PARD3: variants seen among roughly 807,000 people sequenced by gnomAD.
PARD3 encodes the protein partitioning defective 3 homolog.
In PARD3, 75 loss-of-function variants were observed where a neutral mutation model predicts 155.4. The ratio of observed to expected loss-of-function variants is 0.48; its 90% CI spans 0.40 to 0.58. PARD3 has a LOEUF of 0.58. PARD3 is among the 20% of genes least tolerant of loss of function. PARD3 has a pLI of 0.00. For missense variants in PARD3, 1,642 were observed against 1,721.7 expected (o/e 0.95, Z 0.82); for synonymous variants, 576 against 610.5 (o/e 0.94, Z 0.83).
rs185576411 is a variant in PARD3, at chr10:34,634,421, G to A, written c.222+61897C>T. 2.6e-5 allele frequency among the ~76,000 whole-genome samples: 4 copies of A among 152,254 alleles called. No individual in the cohort carries two copies. The East Asian group carries it at 7.7e-4, about 29-fold the overall frequency. On this transcript the variant is annotated intron_variant, in intron 2 of 24. Transcript: ENST00000374788. Reference sequence around the variant, plus strand: ...AAAAAAGATAATGTTTTCCCTCCAGGGGAGGGAAGGAATGTGGTATTCAGG... The same window carrying A: ...AAAAAAGATAATGTTTTCCCTCCAGAGGAGGGAAGGAATGTGGTATTCAGG...
At chr10:34,808,812 T>C (rs1843718506) in intron 1 of PARD3, among the ~76,000 whole-genome samples, 1 of 152,202 alleles carries the variant, frequency 6.6e-6, no homozygotes, top group South Asian at 2.1e-4. Context: ...TATCCATGTC[T>C]ACCACAAGCC....
chr10:34,416,927 C>A (rs1432152048), intron 5 of PARD3, among the ~76,000 whole-genome samples: 2 of 152,198 alleles, frequency 1.3e-5, no homozygotes, highest in Non-Finnish European at 2.9e-5. Context: ...TCATTCCTGG[C>A]CATAGGCCAA....
chr10:34,132,443 TCTGGCTCCCAGTCCAACC>T (rs1474903850), intron 22 of PARD3, among the ~76,000 whole-genome samples: 1 of 152,140 alleles, frequency 6.6e-6, no homozygotes, highest in Non-Finnish European at 1.5e-5. Flanking sequence ...ATCCAGATTT[TCTGGCTCCCAGTCCAACC>T]CTCATTTCAC....
chr10:34,239,802 CAAA>C (rs200115114), intron 22 of PARD3, among the ~76,000 whole-genome samples: 4 of 120,352 alleles, frequency 3.3e-5, no homozygotes, highest in Admixed American at 8.4e-5. Context: ...CACTCCATCT[CAAA>C]AAAAAAAAAA....
chr10:34,653,512 G>A (rs549545812), intron 2 of PARD3, among the ~76,000 whole-genome samples: 1 of 152,176 alleles, frequency 6.6e-6, no homozygotes, highest in African/African-American at 2.4e-5. Flanking sequence ...CTCCCACAAG[G>A]AACACAAAAC....
rs1375564553 is a variant in PARD3 at position 34,791,416 on chromosome 10, C to T, written c.120+23460G>A. On this transcript the variant is annotated intron_variant, in intron 1 of 24. Transcript: ENST00000374788. Reference sequence around the variant, plus strand: ...GTCATCACCAAGCCCGGGACCAGGCCGGGGCCTCCTCCCCAGGAAGCCGGC... The same window carrying T: ...GTCATCACCAAGCCCGGGACCAGGCTGGGGCCTCCTCCCCAGGAAGCCGGC... 5.9e-5 allele frequency among the ~76,000 whole-genome samples: 9 copies of T among 152,212 alleles called. No homozygotes were observed. The East Asian group carries it at 7.7e-4, about 13-fold the overall frequency.
chr10:34,118,250 A>T (rs1946791012), intron 24 of PARD3, among the ~76,000 whole-genome samples: 1 of 152,220 alleles, frequency 6.6e-6, no homozygotes, highest in South Asian at 2.1e-4. Flanking sequence ...GATGGCACTT[A>T]TCCCCATGGA....
chr10:34,737,344 A>G (rs961751600), intron 1 of PARD3, among the ~76,000 whole-genome samples: 7 of 152,198 alleles, frequency 4.6e-5, no homozygotes, highest in African/African-American at 7.2e-5. Flanking sequence ...CAGAAGCCAA[A>G]AGCTCCACTC....
intron 3 of PARD3, among the ~76,000 whole-genome samples, chr10:34,472,330 C>T (rs902661766): frequency 7.2e-5 from 11 of 152,002 alleles, no homozygotes; most frequent in African/African-American, 2.7e-4. Flanking sequence ...AAAATAAACA[C>T]CAATAAGAAC....
chr10:34,313,357 A>G (rs1033564491), intron 20 of PARD3, among the ~76,000 whole-genome samples: 1 of 152,244 alleles, frequency 6.6e-6, no homozygotes, highest in East Asian at 1.9e-4. Flanking sequence ...TGTGCAAAAG[A>G]TGTAGTATGT....
chr10:34,726,186 T>C (rs2094706840), intron 1 of PARD3, among the ~76,000 whole-genome samples: 1 of 152,246 alleles, frequency 6.6e-6, no homozygotes, highest in South Asian at 2.1e-4. Flanking sequence ...CCAGGCACGA[T>C]GGCTCATGCC....
At position 34,111,224 on chromosome 10, in the gene PARD3, A is replaced by T; in HGVS notation, c.4007T>A (p.Val1336Asp). 6.2e-7 allele frequency: 1 copy of T among 1,607,960 alleles called. No homozygotes were observed. Among genetic ancestry groups the T allele is most frequent in the Non-Finnish European group, 8.5e-7 (1 of 1,175,474 alleles). ...AGTCTGAAGTCTGTTCAGCCTCGCA[A>T]CCTGAGAAGGGGAGGGGGGCACATC... Reference protein sequence around the residue: ...RQDVPPSPSQVARLNRLQTPE... With the variant: ...RQDVPPSPSQDARLNRLQTPE... Residue 1336 changes from valine (V) to aspartate (D), a missense_variant, in exon 25 of 25, where the codon GTT becomes GAT. Around this residue, in one of 3 missense-constraint regions of PARD3, gnomAD observed 1,529 missense variants for 1,587.3 expected, o/e 0.96. Coordinates refer to ENST00000374788, the MANE Select transcript of PARD3 (RefSeq NM_001184785.2).
At chr10:34,562,414 C>T (rs1402366140) in intron 2 of PARD3, among the ~76,000 whole-genome samples, 2 of 151,914 alleles carry the variant, frequency 1.3e-5, no homozygotes, top group South Asian at 2.1e-4. Context: ...TCCAGCCTGG[C>T]GACAGAGTAA....
chr10:34,796,513 T>A (rs997878913), intron 1 of PARD3, among the ~76,000 whole-genome samples: 7 of 152,272 alleles, frequency 4.6e-5, no homozygotes, highest in Non-Finnish European at 1.0e-4. Flanking sequence ...CTGAATATTA[T>A]TTTTAAAATT....
intron 2 of PARD3, among the ~76,000 whole-genome samples, chr10:34,572,456 A>G (rs932347798): frequency 1.3e-5 from 2 of 152,124 alleles, no homozygotes; most frequent in African/African-American, 4.8e-5. Flanking sequence ...CCTGGCCAAC[A>G]TGGTAAAACC....
At chr10:34,436,157 T>C (rs1056076435) in intron 5 of PARD3, among the ~76,000 whole-genome samples, 1 of 152,194 alleles carries the variant, frequency 6.6e-6, no homozygotes, top group Admixed American at 6.5e-5. Flanking sequence ...CATTTCAGAG[T>C]GACTGACATC....
chr10:34,591,681 G>C (rs1346818771), intron 2 of PARD3, among the ~76,000 whole-genome samples: 1 of 152,176 alleles, frequency 6.6e-6, no homozygotes, highest in Non-Finnish European at 1.5e-5. Context: ...TGGGGAAACA[G>C]AATGCAAGGC....
intron 1 of PARD3, among the ~76,000 whole-genome samples, chr10:34,786,767 G>A (rs527788509): frequency 1.7e-4 from 26 of 151,936 alleles, no homozygotes; most frequent in Non-Finnish European, 2.6e-4. Flanking sequence ...GCTTACTAGG[G>A]GCCTTTTAAA....
chr10:34,634,989 G>A (rs566143084), intron 2 of PARD3, among the ~76,000 whole-genome samples: 7 of 152,284 alleles, frequency 4.6e-5, no homozygotes, highest in South Asian at 2.1e-4. Context: ...GAAGAATGGC[G>A]GCCTACACTG....
Sources: allele counts gnomAD v4.1 joint callset (sites outside exome capture counted in the v4.1 genomes callset), GRCh38; gene constraint gnomAD v4.1.1; regional missense constraint gnomAD v4.1.1; transcripts MANE v1.5; gene names NCBI Gene and HGNC (gene_info 2026-07-23, HGNC 2026-07-21).